The following GMDS variants were observed in gnomAD, a reference collection of about 807,000 sequenced individuals.
GMDS encodes the protein GDP-mannose 4,6 dehydratase.
Under a neutral mutation model 49.9 loss-of-function variants are expected in GMDS, and 20 were observed. That is an observed-to-expected ratio of 0.40 (90% CI 0.28 to 0.58). GMDS has a LOEUF of 0.58. Among genes scored for constraint, GMDS ranks in the 20% least tolerant of loss-of-function variants. The probability of loss-of-function intolerance (pLI) is 0.42; values close to 1 mark genes in which losing one functional copy is unlikely to be tolerated. For synonymous variants in GMDS, 177 were observed against 178.6 expected (o/e 0.99, Z 0.07); for missense variants, 362 against 481.4 (o/e 0.75, Z 2.32).
intron 1 of GMDS, among the ~76,000 whole-genome samples, chr6:2,210,542 A>G (rs948203368): frequency 3.9e-5 from 6 of 152,134 alleles, no homozygotes; most frequent in African/African-American, 1.2e-4. Flanking sequence ...GACCAATGAG[A>G]CAGGAAAGGA....
intron 7 of GMDS, among the ~76,000 whole-genome samples, chr6:1,745,141 A>C (rs1208949077): frequency 6.6e-6 from 1 of 152,240 alleles, no homozygotes; most frequent in Non-Finnish European, 1.5e-5. Context: ...AATGTGTTTG[A>C]CTCAAATTTC....
chr6:2,188,636 T>C (rs1375772881), intron 1 of GMDS, among the ~76,000 whole-genome samples: 1 of 152,240 alleles, frequency 6.6e-6, no homozygotes, highest in Non-Finnish European at 1.5e-5. Context: ...TGTCAGGATA[T>C]CAAGATGACA....
intron 4 of GMDS, among the ~76,000 whole-genome samples, chr6:1,974,771 CT>C (rs1339751992): frequency 2.6e-5 from 4 of 151,780 alleles, no homozygotes; most frequent in Admixed American, 6.6e-5. Flanking sequence ...TGGCTCATGC[CT>C]GCAATCCCAG....
At chr6:1,838,293 G>C (rs911128176) in intron 7 of GMDS, among the ~76,000 whole-genome samples, 1 of 152,196 alleles carries the variant, frequency 6.6e-6, no homozygotes, top group African/African-American at 2.4e-5. Flanking sequence ...CTTGGCTCCA[G>C]ACTTAGATAG....
At chr6:2,125,300 C>CAAAACAAAACA (rs1442586395) in intron 1 of GMDS, among the ~76,000 whole-genome samples, 13 of 151,840 alleles carry the variant, frequency 8.6e-5, no homozygotes, top group Admixed American at 8.5e-4. Flanking sequence ...CAAAACAAAA[C>CAAAACAAAACA]AAAAAATTGG....
chr6:1,813,368 G>A (rs1581211525), intron 7 of GMDS, among the ~76,000 whole-genome samples: 1 of 151,978 alleles, frequency 6.6e-6, no homozygotes. Context: ...TTCGTTAGAT[G>A]AAGGTTCAGA....
intron 1 of GMDS, among the ~76,000 whole-genome samples, chr6:2,165,029 C>A (rs1777593315): frequency 6.6e-6 from 1 of 152,176 alleles, no homozygotes. Context: ...ATTGCCAGAT[C>A]ATGCCATGGC....
chr6:1,922,553 C>T (rs9405527), intron 7 of GMDS, among the ~76,000 whole-genome samples: 60,048 of 152,058 alleles, frequency 0.39, 12,658 homozygotes, highest in Non-Finnish European at 0.47. Flanking sequence ...TGAATGGTTC[C>T]TTCGGAATAA....
chr6:2,019,007 T>G (rs1768087049), intron 4 of GMDS, among the ~76,000 whole-genome samples: 1 of 152,034 alleles, frequency 6.6e-6, no homozygotes. Flanking sequence ...TGGTACTGTC[T>G]TTTTTATTAT....
At chr6:1,981,627 T>C (rs1765224768) in intron 4 of GMDS, among the ~76,000 whole-genome samples, 3 of 152,094 alleles carry the variant, frequency 2.0e-5, no homozygotes, top group Admixed American at 2.0e-4. Context: ...ACTGAAACTA[T>C]TCCAAAAAAT....
intron 7 of GMDS, among the ~76,000 whole-genome samples, chr6:1,907,497 A>C (rs1387754271): frequency 1.3e-5 from 2 of 152,224 alleles, no homozygotes; most frequent in African/African-American, 2.4e-5. Flanking sequence ...ACAGTATTGA[A>C]ACAAGGGAAG....
In GMDS at chr6:1,742,604, C is replaced by T. The variant is rs1368978986; in HGVS notation, c.772-18G>A. 2.1e-6 allele frequency: 3 copies of T among 1,397,342 alleles called. No homozygotes were observed. Among genetic ancestry groups the T allele is most frequent in the Middle Eastern group, 1.8e-4 (1 of 5,584 alleles). 86.6% of individuals were successfully genotyped at this position (1,397,342 alleles called of 1,614,324 possible). A position where few individuals can be genotyped will look rare whatever the true frequency, so the allele number is the denominator to read the frequency against. On this transcript the variant is annotated intron_variant, in intron 7 of 10. Coordinates refer to ENST00000380815, the MANE Select transcript of GMDS (RefSeq NM_001500.4). The stretch of plus-strand genomic sequence containing the variant: ...CACATAGCCTAGAGGGAAAGAGAGG[C>T]AAGTTCACTTTGAAGTCACACTCAG...
chr6:1,869,594 G>C (rs1758618979), intron 7 of GMDS, among the ~76,000 whole-genome samples: 1 of 152,156 alleles, frequency 6.6e-6, no homozygotes, highest in Admixed American at 6.5e-5. Flanking sequence ...CAGATATTCA[G>C]GCAGTTTCTG....
At chr6:2,115,601 T>TA (rs1293611997) in intron 4 of GMDS, among the ~76,000 whole-genome samples, 170 bp downstream of exon 4, 1 of 152,186 alleles carries the variant, frequency 6.6e-6, no homozygotes, top group African/African-American at 2.4e-5. Flanking sequence ...AAGAGACTTT[T>TA]AAAAAATCTA....
chr6:1,745,060 G>C (rs189239804), intron 7 of GMDS, among the ~76,000 whole-genome samples: 2 of 152,346 alleles, frequency 1.3e-5, no homozygotes, highest in East Asian at 3.9e-4. Flanking sequence ...AAAATTAAAT[G>C]ATGCCTATGG....
In GMDS at chr6:2,111,228, A is replaced by ACCAC. The variant is rs1483267743; in HGVS notation, c.345+4542_345+4543insGTGG. On this transcript the variant is annotated intron_variant, in intron 4 of 10. Transcript: ENST00000380815. ...ACCAACCGCACAACCACAACAAAAAAAGCAGTTTCCTAAAACATTTTCTCC... is the reference window on the plus strand; with the variant it reads ...ACCAACCGCACAACCACAACAAAAAACCACAGCAGTTTCCTAAAACATTTTCTCC... Among the ~76,000 whole-genome samples, 3 of 152,172 alleles carry ACCAC rather than the reference A, an allele frequency of 2.0e-5. No individual in the cohort carries two copies. The East Asian group carries it at 5.8e-4, about 29-fold the overall frequency.
chr6:1,723,615 C>CA (rs1561758017), intron 9 of GMDS, among the ~76,000 whole-genome samples: 1 of 146,818 alleles, frequency 6.8e-6, no homozygotes, highest in Admixed American at 6.9e-5. Flanking sequence ...TCCTATCAGT[C>CA]ATTCCGAAAT....
At chr6:2,111,121 G>A (rs964278525) in intron 4 of GMDS, among the ~76,000 whole-genome samples, 15 of 152,142 alleles carry the variant, frequency 9.9e-5, no homozygotes, top group Non-Finnish European at 2.1e-4. Context: ...AGACATGGGG[G>A]ACGAATCGAA....
At chr6:2,172,646 C>T (rs1778074624) in intron 1 of GMDS, among the ~76,000 whole-genome samples, 2 of 152,028 alleles carry the variant, frequency 1.3e-5, no homozygotes, top group South Asian at 4.2e-4. Flanking sequence ...GAGCCGAGAT[C>T]GCGCCACTGC....
Sources: allele counts gnomAD v4.1 joint callset (sites outside exome capture counted in the v4.1 genomes callset), GRCh38; gene constraint gnomAD v4.1.1; transcripts MANE v1.5; gene names NCBI Gene and HGNC (gene_info 2026-07-23, HGNC 2026-07-21).